MAP4K3: variants seen among roughly 807,000 people sequenced by gnomAD.
MAP4K3 encodes mitogen-activated protein kinase kinase kinase kinase 3.
MAP4K3 carries 94 observed loss-of-function variants against 143.5 expected under a neutral mutation model. The ratio of observed to expected loss-of-function variants is 0.65; its 90% CI spans 0.55 to 0.78. MAP4K3 has a LOEUF of 0.78. Among genes scored for constraint, MAP4K3 ranks in the 30% least tolerant of loss-of-function variants. The pLI is 0.00. For synonymous variants in MAP4K3, 416 were observed against 347.2 expected, an observed-to-expected ratio of 1.20 and a Z score of -2.20; for missense variants, 1,077 against 1,068.1, an observed-to-expected ratio of 1.01 and a Z score of -0.12.
At chr2:39,266,866 C>T (rs1001663663) in intron 27 of MAP4K3, among the ~76,000 whole-genome samples, 19 of 149,512 alleles carry the variant, frequency 1.3e-4, no homozygotes, top group African/African-American at 4.2e-4. Flanking sequence ...GTGAATGGTA[C>T]GTAACAGGAC....
chr2:39,361,340 A>G (rs890260137), intron 2 of MAP4K3, among the ~76,000 whole-genome samples: 1 of 152,046 alleles, frequency 6.6e-6, no homozygotes. Context: ...CACACTTAAC[A>G]TATTATATGT....
At chr2:39,276,215 G>A (rs143911286) in intron 24 of MAP4K3, among the ~76,000 whole-genome samples, 6 of 152,188 alleles carry the variant, frequency 3.9e-5, no homozygotes, top group Admixed American at 6.5e-5. Context: ...CACACATCCC[G>A]AAGGCACCCC....
rs749101883 is a variant in MAP4K3 at position 39,309,548 on chromosome 2, ATTTTTTTT to A, written c.998-37_998-30del. On this transcript the variant is annotated intron_variant, in intron 13 of 33. Coordinates refer to ENST00000263881, the MANE Select transcript of MAP4K3 (RefSeq NM_003618.4). ...AAAAAGAAAAAAAAGTAAAACCAGG[ATTTTTTTT>A]TTTTTTTTTTTTTTTTTTTGAGGCA... 1,043 of 339,376 alleles carry A rather than the reference ATTTTTTTT, an allele frequency of 3.1e-3. 6 individuals carry two copies. The African/African-American group carries it at 0.031, about 10-fold the overall frequency. 21.0% of individuals were successfully genotyped at this position (339,376 alleles called of 1,614,324 possible). A position where few individuals can be genotyped will look rare whatever the true frequency, so the allele number is the denominator to read the frequency against.
chr2:39,297,585 G>C (rs1276579408), intron 16 of MAP4K3, among the ~76,000 whole-genome samples: 3 of 152,126 alleles, frequency 2.0e-5, no homozygotes, highest in African/African-American at 4.8e-5. Context: ...ATTATAATTA[G>C]ATAGTTCCTG....
chr2:39,429,162 G>A (rs1397848384), intron 1 of MAP4K3, among the ~76,000 whole-genome samples: 1 of 148,372 alleles, frequency 6.7e-6, no homozygotes, highest in Non-Finnish European at 1.5e-5. Context: ...AGTACAATGA[G>A]AATTTTAATG....
intron 12 of MAP4K3, among the ~76,000 whole-genome samples, chr2:39,315,845 C>G (rs369600840): frequency 2.2e-4 from 34 of 151,796 alleles, no homozygotes; most frequent in African/African-American, 7.7e-4. Context: ...AGCTTAGAAG[C>G]CTTTTAAGGT....
rs1229748690 is a variant in MAP4K3 at position 39,250,372 on chromosome 2, C to G, written c.*246G>C. The G allele has an allele frequency of 2.6e-6, 1 of 390,832 alleles. No homozygotes were observed. Among genetic ancestry groups the G allele is most frequent in the Non-Finnish European group, 4.6e-6 (1 of 217,362 alleles). 24.2% of individuals were successfully genotyped at this position (390,832 alleles called of 1,614,324 possible). On this transcript the variant is annotated 3_prime_UTR_variant, in exon 34 of 34. Coordinates refer to ENST00000263881, the MANE Select transcript of MAP4K3 (RefSeq NM_003618.4). ...ATGTCTTCAGCAATATGAAGTTTCA[C>G]AGAAAAAATACTGCCTATATGTACA...
At chr2:39,332,650 A>G (rs1434208130) in intron 7 of MAP4K3, among the ~76,000 whole-genome samples, 2 of 152,086 alleles carry the variant, frequency 1.3e-5, no homozygotes, top group African/African-American at 4.8e-5. Flanking sequence ...GAGGCACATC[A>G]CACTGGCACA....
chr2:39,308,493 T>C (rs1255913886), intron 14 of MAP4K3, among the ~76,000 whole-genome samples: 1 of 152,140 alleles, frequency 6.6e-6, no homozygotes, highest in Non-Finnish European at 1.5e-5. Flanking sequence ...AAATAAGCAT[T>C]AAACTGAAGA....
At chr2:39,431,441 A>T (rs982834035) in intron 1 of MAP4K3, among the ~76,000 whole-genome samples, 2 of 152,062 alleles carry the variant, frequency 1.3e-5, no homozygotes, top group Non-Finnish European at 2.9e-5. Flanking sequence ...TTGTTTTCTT[A>T]ATGAGGGTCC....
At position 39,250,699 on chromosome 2, in the gene MAP4K3, C is replaced by T; in HGVS notation, c.2604G>A (p.Val868=). The T allele has an allele frequency of 6.2e-7, 1 of 1,613,130 alleles. No homozygotes were observed. The highest frequency in any genetic ancestry group is 8.5e-7 in the Non-Finnish European group (1 of 1,179,278). ...IFRLLGSDRV[V]VLESRPTDNP... ...TATCAGTTGGCCTACTTTCCAAAAC[C>T]ACGACCCTGAAAGTAATAAAAAACA... The change falls in exon 34 of 34, where the codon GTG becomes GTA. Residue 868 remains valine, a synonymous_variant. Transcript: ENST00000263881.
chr2:39,395,888 C>A (rs1031552701), intron 1 of MAP4K3, among the ~76,000 whole-genome samples: 81 of 151,422 alleles, frequency 5.3e-4, no homozygotes, highest in African/African-American at 1.9e-3. Flanking sequence ...TTATTTGAAG[C>A]CTGAAAGCTT....
intron 8 of MAP4K3, among the ~76,000 whole-genome samples, chr2:39,328,045 T>A (rs1249529282): frequency 6.6e-6 from 1 of 152,216 alleles, no homozygotes; most frequent in Non-Finnish European, 1.5e-5. Context: ...AGTTAGCGAA[T>A]GCTGGCCGGG....
intron 14 of MAP4K3, 98 bp downstream of exon 14, chr2:39,309,363 A>C (rs974028720): frequency 1.2e-6 from 1 of 859,234 alleles, no homozygotes; most frequent in Non-Finnish European, 1.8e-6. Context: ...TTTTGAAAAT[A>C]TTAATGACTA....
At chr2:39,280,721 T>C (rs1681480131) in intron 22 of MAP4K3, among the ~76,000 whole-genome samples, 1 of 152,138 alleles carries the variant, frequency 6.6e-6, no homozygotes, top group Non-Finnish European at 1.5e-5. Context: ...AATCATAATC[T>C]CTACAAAGGA....
intron 2 of MAP4K3, among the ~76,000 whole-genome samples, chr2:39,359,646 C>T (rs1468079825): frequency 2.0e-5 from 3 of 152,276 alleles, no homozygotes; most frequent in African/African-American, 7.2e-5. Context: ...TCTGTCTGGA[C>T]ATCCAGGTAT....
intron 1 of MAP4K3, among the ~76,000 whole-genome samples, chr2:39,431,459 T>C (rs1168332763): frequency 6.6e-6 from 1 of 152,180 alleles, no homozygotes; most frequent in African/African-American, 2.4e-5. Context: ...TCCCCAAAAC[T>C]GCATCAACTT....
Position 39,308,025 on chromosome 2 carries a change from A to T in MAP4K3, c.1057-20T>A. 3 of 1,572,228 alleles carry T rather than the reference A, an allele frequency of 1.9e-6. No individual in the cohort carries two copies. The highest frequency in any genetic ancestry group is 2.6e-6 in the Non-Finnish European group (3 of 1,159,314). ...GTCGGGCTGTTTAGCAGAGACCAAGAAACCCAAGTTATTTACGCTTAGACT... is the reference window on the plus strand; with the variant it reads ...GTCGGGCTGTTTAGCAGAGACCAAGTAACCCAAGTTATTTACGCTTAGACT... On this transcript the variant is annotated intron_variant, in intron 14 of 33. Transcript: ENST00000263881.
intron 12 of MAP4K3, among the ~76,000 whole-genome samples, chr2:39,324,902 G>A (rs1339790519): frequency 1.3e-5 from 2 of 152,138 alleles, no homozygotes; most frequent in African/African-American, 4.8e-5. Context: ...TTTCCATAGT[G>A]AATAGCTGAG....
Sources: allele counts gnomAD v4.1 joint callset (sites outside exome capture counted in the v4.1 genomes callset), GRCh38; gene constraint gnomAD v4.1.1; transcripts MANE v1.5; gene names NCBI Gene and HGNC (gene_info 2026-07-23, HGNC 2026-07-21).